Variants in PLEKHG2 observed in about 807,000 individuals in gnomAD.
The protein encoded by PLEKHG2 is pleckstrin homology and RhoGEF domain containing G2, also known as pleckstrin homology domain-containing family G member 2.
PLEKHG2 carries 71 observed loss-of-function variants against 104.4 expected under a neutral mutation model. The observed-to-expected ratio is 0.68, with a 90% CI of 0.56 to 0.83. The LOEUF is 0.83. Among genes scored for constraint, PLEKHG2 ranks in the 40% least tolerant of loss-of-function variants. The pLI, the probability that PLEKHG2 is intolerant of heterozygous loss-of-function variation, is 0.00. For synonymous variants in PLEKHG2, 728 were observed against 737.0 expected (o/e 0.99, Z 0.20); for missense variants, 1,730 against 1,809.4 (o/e 0.96, Z 0.80).
At chr19:39,423,706 C>T in intron 18 of PLEKHG2, 27 bp from the exon 19 acceptor site, 1 of 1,591,604 alleles carries the variant, frequency 6.3e-7, no homozygotes, top group Non-Finnish European at 8.6e-7. Context: ...AGTAGTGGTC[C>T]TGACTCGATC....
chr19:39,425,355 C>A lies in PLEKHG2; in HGVS notation c.*61C>A. 1 of 1,543,810 alleles carries A rather than the reference C, an allele frequency of 6.5e-7. No individual in the cohort carries two copies. Among genetic ancestry groups the A allele is most frequent in the South Asian group, 1.2e-5 (1 of 81,554 alleles). On this transcript the variant is annotated 3_prime_UTR_variant, in exon 19 of 19. Transcript: ENST00000425673. ...AGCCAGATGCCATAGACCCTCAGAA[C>A]TTGACCTGGAAGTCCAGACACTGAA... is the stretch of plus-strand genomic sequence containing the variant.
At position 39,420,861 on chromosome 19, in the gene PLEKHG2, G is replaced by A. The variant is rs780672220; in HGVS notation, c.1399+9G>A. ...TGGGCGAAGGAACACAGGTAAAGGCGGTGGATCCCTGAGTCCCAGCCCTCA... is the reference window on the plus strand; with the variant it reads ...TGGGCGAAGGAACACAGGTAAAGGCAGTGGATCCCTGAGTCCCAGCCCTCA... On this transcript the variant is annotated intron_variant, in intron 13 of 18. Coordinates refer to ENST00000425673, the MANE Select transcript of PLEKHG2 (RefSeq NM_022835.3). The A allele has an allele frequency of 2.0e-5, 33 of 1,613,968 alleles. No homozygotes were observed. Among genetic ancestry groups the A allele is most frequent in the Admixed American group, 8.3e-5 (5 of 60,000 alleles).
chr19:39,418,976 G>C lies in PLEKHG2; in HGVS notation c.1236G>C (p.Glu412Asp). 1.9e-6 allele frequency: 3 copies of C among 1,612,890 alleles called. No homozygotes were observed. The highest frequency in any genetic ancestry group is 2.5e-6 in the Non-Finnish European group (3 of 1,179,744). The change falls in exon 11 of 19, where the codon GAG becomes GAC. Residue 412 changes from glutamate (E) to aspartate (D), a missense_variant. Physicochemically the swap from Glu to Asp is conservative, Grantham distance 45. Transcript: ENST00000425673. Reference protein sequence around the residue: ...WIHCLQRLFFENHPASIPAKA... With the variant: ...WIHCLQRLFFDNHPASIPAKA... ...ACTGTCTCCAGCGCCTCTTCTTTGAGAACCACCCTGCCTCCATCCCTGCCA... is the reference window on the plus strand; with the variant it reads ...ACTGTCTCCAGCGCCTCTTCTTTGACAACCACCCTGCCTCCATCCCTGCCA...
chr19:39,423,708 G>T, intron 18 of PLEKHG2, 25 bp from the exon 19 acceptor site: 1 of 1,593,810 alleles, frequency 6.3e-7, no homozygotes, highest in South Asian at 1.1e-5. Context: ...TAGTGGTCCT[G>T]ACTCGATCCT....
At chr19:39,422,623 A>C (rs534208625) in intron 17 of PLEKHG2, 109 bp from the exon 18 acceptor site, 1 of 1,377,216 alleles carries the variant, frequency 7.3e-7, no homozygotes, top group East Asian at 2.5e-5. Context: ...TCGTAACCTC[A>C]AGTGACCCGC....
Position 39,413,983 on chromosome 19 carries a change from T to C in PLEKHG2, c.-22-82T>C, listed in dbSNP as rs577108055. 3.0e-5 allele frequency: 29 copies of C among 961,600 alleles called. No homozygotes were observed. The highest frequency in any genetic ancestry group is 4.5e-5 in the Non-Finnish European group (29 of 649,242). 59.6% of individuals were successfully genotyped at this position (961,600 alleles called of 1,614,324 possible). ...CCTCCCTGGATTTACACCACGCTCC[T>C]AATTCCCAGCCCCCATCTGTGAGTC... On this transcript the variant is annotated intron_variant, in intron 1 of 18. Coordinates refer to ENST00000425673, the MANE Select transcript of PLEKHG2 (RefSeq NM_022835.3). The surrounding 1 kb of genome is among the most constrained non-coding windows in gnomAD (Gnocchi z 4.5).
rs2146020906 is a variant in PLEKHG2, at chr19:39,424,405, G to A, written c.3272G>A (p.Gly1091Asp). 2.5e-6 allele frequency: 4 copies of A among 1,614,052 alleles called. No homozygotes were observed. Among genetic ancestry groups the A allele is most frequent in the Non-Finnish European group, 2.5e-6 (3 of 1,179,998 alleles). ...AGCAGCCTGGATCCCCAGGGCCCAG[G>A]CGACACCCTACCACCCTTGCCATGT... ...HGSSLDPQGP[G>D]DTLPPLPCHL... is the part of the protein sequence containing the mutation. The change falls in exon 19 of 19, where the codon GGC becomes GAC. Residue 1091 changes from glycine to aspartate, a missense_variant. Transcript: ENST00000425673.
intron 17 of PLEKHG2, 58 bp from the exon 18 acceptor site, chr19:39,422,674 C>G: frequency 6.7e-7 from 1 of 1,492,614 alleles, no homozygotes; most frequent in Admixed American, 2.4e-5. Context: ...CAGGCGTGAG[C>G]CACCACACCC....
rs1450197354 is a variant in PLEKHG2, at chr19:39,416,607, A to C, written c.593+10A>C. 1.2e-5 allele frequency: 19 copies of C among 1,613,352 alleles called. No individual in the cohort carries two copies. The highest frequency in any genetic ancestry group is 1.6e-5 in the Non-Finnish European group (19 of 1,179,604). On this transcript the variant is annotated intron_variant, in intron 6 of 18. Coordinates refer to ENST00000425673, the MANE Select transcript of PLEKHG2 (RefSeq NM_022835.3). This position sits in a 1 kb window ranked among gnomAD's most constrained non-coding sequence, Gnocchi z 4.5. ...GCATGAACTACCCGAGGTGAGGGGCAGGAGCCCCTGCTGGGCCTCAGGCTG... is the reference window on the plus strand; with the variant it reads ...GCATGAACTACCCGAGGTGAGGGGCCGGAGCCCCTGCTGGGCCTCAGGCTG...
chr19:39,417,445 G>A (rs566945309), intron 7 of PLEKHG2, 110 bp from the exon 8 acceptor site: 25 of 1,378,892 alleles, frequency 1.8e-5, no homozygotes, highest in South Asian at 2.9e-5. Flanking sequence ...GAGCCACTGC[G>A]CCTGGCCTCT....
At chr19:39,419,516 CG>C (rs1173882326) in intron 11 of PLEKHG2, among the ~76,000 whole-genome samples, 2 of 152,064 alleles carry the variant, frequency 1.3e-5, no homozygotes, top group African/African-American at 4.8e-5. Flanking sequence ...CCAAGGCGGG[CG>C]GATCACCTGA....
rs762686276 is a variant in PLEKHG2 at position 39,422,211 on chromosome 19, A to G, written c.1600A>G (p.Thr534Ala). 10 of 1,613,898 alleles carry G rather than the reference A, an allele frequency of 6.2e-6. No individual in the cohort carries two copies. The South Asian group carries it at 9.9e-5, about 16-fold the overall frequency. Residue 534 changes from threonine (T) to alanine (A), a missense_variant, in exon 17 of 19, where the codon ACA becomes GCA. Thr to Ala is a moderately conservative substitution (Grantham distance 58). Transcript: ENST00000425673. ...GGACCTGGAGGATGCTGGACCCCCA[A>G]CACTGGACCCCTCTGGGACCTCAAT... ...PEDLEDAGPP[T>A]LDPSGTSITE...
rs1369026731 is a variant in PLEKHG2 at position 39,416,725 on chromosome 19, C to T, written c.594-125C>T. On this transcript the variant is annotated intron_variant, in intron 6 of 18. Coordinates refer to ENST00000425673, the MANE Select transcript of PLEKHG2 (RefSeq NM_022835.3). This position sits in a 1 kb window ranked among gnomAD's most constrained non-coding sequence, Gnocchi z 4.5. ...CCTGCCAGGCTGTGACAGTAACTGACCTCTCCCTCACTGCCCCGCCCCCTG... is the reference window on the plus strand; with the variant it reads ...CCTGCCAGGCTGTGACAGTAACTGATCTCTCCCTCACTGCCCCGCCCCCTG... 6.1e-6 allele frequency: 9 copies of T among 1,466,298 alleles called. No individual in the cohort carries two copies. Among genetic ancestry groups the T allele is most frequent in the Admixed American group, 1.8e-5 (1 of 56,690 alleles). 90.8% of individuals were successfully genotyped at this position (1,466,298 alleles called of 1,614,324 possible).
chr19:39,417,808 A>C, intron 8 of PLEKHG2, 97 bp from the exon 9 acceptor site: 1 of 1,501,200 alleles, frequency 6.7e-7, no homozygotes, highest in South Asian at 1.3e-5. Flanking sequence ...CTGGGACAGC[A>C]TGGCCCTGTT....
intron 9 of PLEKHG2, 30 bp from the exon 10 acceptor site, chr19:39,418,704 T>G: frequency 6.3e-7 from 1 of 1,585,044 alleles, no homozygotes. Flanking sequence ...CCAAGGACTC[T>G]GAGCTTGCTA....
In PLEKHG2 at chr19:39,415,295, C is replaced by A; in HGVS notation, c.378+35C>A. 1 of 1,606,576 alleles carries A rather than the reference C, an allele frequency of 6.2e-7. No homozygotes were observed. Among genetic ancestry groups the A allele is most frequent in the East Asian group, 2.2e-5 (1 of 44,598 alleles). ...GCAGACACCAGAGGGCAGTGGGTACCCAGGCCAGCCCCTTGGCCCCCATAA... is the reference window on the plus strand; with the variant it reads ...GCAGACACCAGAGGGCAGTGGGTACACAGGCCAGCCCCTTGGCCCCCATAA... On this transcript the variant is annotated intron_variant, in intron 3 of 18. Transcript: ENST00000425673. The surrounding 1 kb of genome is among the most constrained non-coding windows in gnomAD (Gnocchi z 4.6).
chr19:39,415,094 C>T lies in PLEKHG2; in HGVS notation c.212C>T (p.Ala71Val). ...GATCCAGCCCCTGGGCCCACTCCAG[C>T]CTGCTCAGCCTCCAGGCCAGAGCCC... ...EGDPAPGPTPACSASRPEPLP... is the reference protein window; with the variant it reads ...EGDPAPGPTPVCSASRPEPLP... The change falls in exon 3 of 19, where the codon GCC (alanine) becomes GTC (valine). Residue 71 changes from alanine (A) to valine (V), a missense_variant. Ala to Val is a moderately conservative substitution (Grantham distance 64, BLOSUM62 0). Transcript: ENST00000425673. The surrounding 1 kb of genome is among the most constrained non-coding windows in gnomAD (Gnocchi z 4.6). 1 of 1,593,096 alleles carries T rather than the reference C, an allele frequency of 6.3e-7. No individual in the cohort carries two copies. Among genetic ancestry groups the T allele is most frequent in the Admixed American group, 1.7e-5 (1 of 57,528 alleles).
intron 17 of PLEKHG2, 87 bp downstream of exon 17, chr19:39,422,375 A>G: frequency 1.5e-6 from 2 of 1,373,654 alleles, no homozygotes; most frequent in Non-Finnish European, 1.9e-6. Flanking sequence ...CCATGCTGAT[A>G]CCTTTATTTT....
chr19:39,414,004 G>A, intron 1 of PLEKHG2, 61 bp from the exon 2 acceptor site: 1 of 1,186,446 alleles, frequency 8.4e-7, no homozygotes, highest in Non-Finnish European at 1.2e-6. Context: ...CCCCATCTGT[G>A]AGTCTGGGCG....
Sources: allele counts gnomAD v4.1 joint callset (sites outside exome capture counted in the v4.1 genomes callset), GRCh38; gene constraint gnomAD v4.1.1; non-coding constraint Gnocchi (gnomAD v3.1); transcripts MANE v1.5; gene names NCBI Gene and HGNC (gene_info 2026-07-23, HGNC 2026-07-21).